The following MYO1F variants were observed in gnomAD, a reference collection of about 807,000 sequenced individuals.
The protein encoded by MYO1F is unconventional myosin-If.
A neutral mutation model predicts 146.6 loss-of-function variants in MYO1F; 60 were observed. The observed-to-expected ratio is 0.41, with a 90% confidence interval of 0.33 to 0.51. MYO1F has a LOEUF of 0.51. Among genes scored for constraint, MYO1F ranks in the 20% least tolerant of loss-of-function variants. The pLI, the probability that MYO1F is intolerant of heterozygous loss-of-function variation, is 0.25. For missense variants in MYO1F, 1,274 were observed against 1,534.3 expected, an observed-to-expected ratio of 0.83 and a Z score of 2.83; for synonymous variants, 602 against 602.1, an observed-to-expected ratio of 1.00 and a Z score of 0.00.
intron 15 of MYO1F, 114 bp downstream of exon 15, chr19:8,541,792 C>G: frequency 3.1e-6 from 3 of 963,978 alleles, no homozygotes; most frequent in African/African-American, 1.6e-5. Context: ...CACAGCCACT[C>G]CCCTCGAGTT....
At chr19:8,570,674 C>T (rs1396097989) in intron 1 of MYO1F, among the ~76,000 whole-genome samples, 1 of 150,452 alleles carries the variant, frequency 6.6e-6, no homozygotes, top group East Asian at 1.9e-4. Flanking sequence ...CACCCAACCA[C>T]ATTTTTTTTT....
intron 13 of MYO1F, among the ~76,000 whole-genome samples, chr19:8,545,147 GTGCAATCATAGCTCAC>G (rs1973287963): frequency 6.6e-6 from 1 of 151,874 alleles, no homozygotes; most frequent in Non-Finnish European, 1.5e-5. Context: ...GAGTGTGGTG[GTGCAATCATAGCTCAC>G]TGCACCCTTG....
chr19:8,541,709 G>T, intron 15 of MYO1F, 197 bp downstream of exon 15: 1 of 623,154 alleles, frequency 1.6e-6, no homozygotes, highest in Non-Finnish European at 2.9e-6. Context: ...GATTACAGGC[G>T]TGAGCCACTG....
chr19:8,577,162 G>C lies in MYO1F; in HGVS notation c.3+145C>G. 1.1e-6 allele frequency: 1 copy of C among 944,364 alleles called. No individual in the cohort carries two copies. The highest frequency in any genetic ancestry group is 1.7e-6 in the Non-Finnish European group (1 of 598,212). The allele number at this position is 944,364 out of a possible 1,614,324, so 58.5% of individuals were successfully genotyped here. A position where few individuals can be genotyped will look rare whatever the true frequency, so the allele number is the denominator to read the frequency against. On this transcript the variant is annotated intron_variant, in intron 1 of 27. Coordinates refer to ENST00000644032, the MANE Select transcript of MYO1F (RefSeq NM_012335.4). The surrounding 1 kb of genome is among the most constrained non-coding windows in gnomAD (Gnocchi z 4.3). ...GGTAAGGGATGCTGGAGGCACCTGA[G>C]CTGCACTGAGAGACACCCCACCCCC...
chr19:8,545,964 C>T (rs140471719), intron 12 of MYO1F, among the ~76,000 whole-genome samples: 97 of 152,044 alleles, frequency 6.4e-4, no homozygotes, highest in African/African-American at 2.2e-3. Context: ...AGCTCCCTCG[C>T]TTCTCCGCTC....
In MYO1F at chr19:8,536,406, G is replaced by A. The variant is rs773488128; in HGVS notation, c.1899-10C>T. ...GGTCAGAATGGCATACCTGAGGGCG[G>A]AGGGCTGGGGTGTGGGAGTGCTCAT... On this transcript the variant is annotated splice_polypyrimidine_tract_variant and intron_variant, in intron 18 of 27. Transcript: ENST00000644032. 6.2e-7 allele frequency: 1 copy of A among 1,607,426 alleles called. No individual in the cohort carries two copies. Among genetic ancestry groups the A allele is most frequent in the East Asian group, 2.2e-5 (1 of 44,802 alleles).
chr19:8,559,180 C>T (rs1973973895), intron 1 of MYO1F, among the ~76,000 whole-genome samples: 1 of 151,664 alleles, frequency 6.6e-6, no homozygotes, highest in South Asian at 2.1e-4. Context: ...GCTCCCAGCC[C>T]AGGATTGAAG....
intron 19 of MYO1F, among the ~76,000 whole-genome samples, chr19:8,535,455 A>T (rs1043324536): frequency 6.6e-6 from 1 of 151,976 alleles, no homozygotes; most frequent in African/African-American, 2.4e-5. Flanking sequence ...TCTTTTGTAG[A>T]GACAGGGTCT....
rs1305469268 is a variant in MYO1F, at chr19:8,522,447, G to C, written c.3150C>G (p.Tyr1050Ter). The change falls in exon 27 of 28, where the codon TAC becomes TAG. Residue 1050 changes from tyrosine (Y) to a stop codon, truncating the protein, a stop_gained. Transcript: ENST00000644032. LOFTEE classifies it high-confidence loss of function. ...CGTCCACATCTTGGCCCACGTACTG[G>C]TATAGGGCCCGGCACCTGGGACCAT... is the stretch of plus-strand genomic sequence containing the variant. Reference protein sequence around the residue: ...RTHGPRCRALYQYVGQDVDEL... With the variant: ...RTHGPRCRAL 6.2e-7 allele frequency: 1 copy of C among 1,614,150 alleles called. No individual in the cohort carries two copies. Among genetic ancestry groups the C allele is most frequent in the Non-Finnish European group, 8.5e-7 (1 of 1,180,032 alleles).
At chr19:8,531,674 A>G (rs374205665) in intron 19 of MYO1F, among the ~76,000 whole-genome samples, 14 of 152,194 alleles carry the variant, frequency 9.2e-5, no homozygotes, top group East Asian at 7.7e-4. Flanking sequence ...CAGCTGTGCC[A>G]CTTACTACCT....
chr19:8,566,161 C>CTTTTTTTTTTTTTTTTTTTTTTTTT (rs781059040), intron 1 of MYO1F, among the ~76,000 whole-genome samples: 2 of 78,338 alleles, frequency 2.6e-5, no homozygotes, highest in African/African-American at 5.4e-5. Flanking sequence ...CAGTCTATGT[C>CTTTTTTTTTTTTTTTTTTTTTTTTT]TTTTTTTTTT....
At chr19:8,557,060 A>C (rs1973892780) in intron 1 of MYO1F, among the ~76,000 whole-genome samples, 1 of 152,050 alleles carries the variant, frequency 6.6e-6, no homozygotes, top group South Asian at 2.1e-4. Flanking sequence ...CCGAGGCGGG[A>C]GGACTGCTTA....
chr19:8,552,509 C>T (rs1416143789), intron 6 of MYO1F, among the ~76,000 whole-genome samples: 3 of 151,964 alleles, frequency 2.0e-5, no homozygotes, highest in Non-Finnish European at 4.4e-5. Flanking sequence ...TCAAGTGATC[C>T]GCCTGTCTCA....
intron 13 of MYO1F, among the ~76,000 whole-genome samples, chr19:8,544,691 T>C (rs957757714): frequency 9.2e-5 from 14 of 151,802 alleles, no homozygotes; most frequent in African/African-American, 2.9e-4. Flanking sequence ...CTGTGGAAGC[T>C]CGCTGAGGTG....
At position 8,561,861 on chromosome 19, in the gene MYO1F, C is replaced by T. The variant is rs1352957244; in HGVS notation, c.4-6065G>A. Among the ~76,000 whole-genome samples the T allele has an allele frequency of 7.3e-5, 11 of 151,608 alleles. 1 individual carries two copies. The highest frequency in any genetic ancestry group is 4.2e-4 in the South Asian group (2 of 4,806). ...CCTCCCGGGCAGCTGGGACTATAGG[C>T]GCGCACCACCACACCCGGCTAATTT... On this transcript the variant is annotated intron_variant, in intron 1 of 27. Coordinates refer to ENST00000644032, the MANE Select transcript of MYO1F (RefSeq NM_012335.4).
intron 1 of MYO1F, among the ~76,000 whole-genome samples, chr19:8,568,598 C>G (rs1228844569): frequency 6.6e-6 from 1 of 151,850 alleles, no homozygotes; most frequent in African/African-American, 2.4e-5. Flanking sequence ...GAGGTCACTT[C>G]TCTTCTCCAA....
At chr19:8,528,390 T>A (rs193251926) in intron 21 of MYO1F, among the ~76,000 whole-genome samples, 1 of 146,422 alleles carries the variant, frequency 6.8e-6, no homozygotes, top group East Asian at 2.1e-4. Flanking sequence ...TAGCTGGGCG[T>A]GGTGGCACAT....
Position 8,525,483 on chromosome 19 carries a change from G to T in MYO1F, c.2850C>A (p.Pro950=), listed in dbSNP as rs745825629. Residue 950 remains proline, a synonymous_variant, in exon 25 of 28, where the codon CCC becomes CCA. Transcript: ENST00000644032. ...GCAAGGGACGCAGCTCCTCACCTCTGGGGGGCGCAGGGGCCGCCCGGGTAG... is the reference window on the plus strand; with the variant it reads ...GCAAGGGACGCAGCTCCTCACCTCTTGGGGGCGCAGGGGCCGCCCGGGTAG... ...QAPTRAAPAP[P]RGMDRNGVPP... The T allele has an allele frequency of 2.3e-5, 37 of 1,612,240 alleles. No individual in the cohort carries two copies. In the East Asian group the frequency reaches 2.5e-4, roughly 11 times the overall value.
At chr19:8,564,983 C>T (rs910718954) in intron 1 of MYO1F, among the ~76,000 whole-genome samples, 17 of 151,544 alleles carry the variant, frequency 1.1e-4, no homozygotes, top group African/African-American at 3.7e-4. Context: ...ACGTTGGACA[C>T]GCTCATCTCG....
Sources: gnomAD v4.1 joint callset for allele counts (sites outside exome capture counted in the v4.1 genomes callset) on GRCh38, gnomAD v4.1.1 for gene constraint, Gnocchi (gnomAD v3.1) non-coding constraint, MANE v1.5 for transcripts, NCBI Gene and HGNC (gene_info 2026-07-23, HGNC 2026-07-21) for gene names.